The following NFAT5 variants were observed in gnomAD, a reference collection of about 807,000 sequenced individuals.
The protein encoded by NFAT5 is nuclear factor of activated T-cells 5.
A neutral mutation model predicts 166.5 loss-of-function variants in NFAT5; 31 were observed. The observed-to-expected ratio is 0.19, with a 90% CI of 0.14 to 0.25. NFAT5 has a LOEUF of 0.25. Among genes scored for constraint, NFAT5 ranks in the 10% least tolerant of loss-of-function variants. NFAT5 has a pLI of 1.00. For missense variants in NFAT5, 1,449 were observed against 1,821.8 expected (o/e 0.80, Z 3.72); for synonymous variants, 612 against 639.7 (o/e 0.96, Z 0.65).
At chr16:69,626,550 A>G in intron 3 of NFAT5, 22 bp downstream of exon 3, 1 of 1,506,908 alleles carries the variant, frequency 6.6e-7, no homozygotes, top group Admixed American at 2.3e-5. Flanking sequence ...ATTTTACTTT[A>G]TTAAAGAAAA....
chr16:69,659,260 G>C (rs1381392576), intron 6 of NFAT5, among the ~76,000 whole-genome samples: 1 of 151,806 alleles, frequency 6.6e-6, no homozygotes, highest in East Asian at 1.9e-4. Context: ...TGGCCAACAT[G>C]GTGTAACCCC....
At chr16:69,588,166 G>T (rs1463290640) in intron 2 of NFAT5, among the ~76,000 whole-genome samples, 1 of 151,876 alleles carries the variant, frequency 6.6e-6, no homozygotes, top group African/African-American at 2.4e-5. Flanking sequence ...TGGCCAGGCT[G>T]GTCTCCAGTT....
chr16:69,586,635 TCAGG>T (rs2032083959), intron 2 of NFAT5, among the ~76,000 whole-genome samples: 1 of 152,048 alleles, frequency 6.6e-6, no homozygotes, highest in African/African-American at 2.4e-5. Context: ...ACTCCTGACC[TCAGG>T]TGATCTGCCC....
chr16:69,646,738 G>T (rs1326033942), intron 3 of NFAT5, among the ~76,000 whole-genome samples: 1 of 152,132 alleles, frequency 6.6e-6, no homozygotes, highest in African/African-American at 2.4e-5. Flanking sequence ...AGAATGTCCA[G>T]CTGAGGCAAT....
intron 2 of NFAT5, among the ~76,000 whole-genome samples, chr16:69,599,853 A>G (rs2033028828): frequency 6.6e-6 from 1 of 152,124 alleles, no homozygotes; most frequent in Non-Finnish European, 1.5e-5. Flanking sequence ...AAAGCAGGAG[A>G]ATTGTAGGAG....
intron 7 of NFAT5, among the ~76,000 whole-genome samples, chr16:69,660,685 C>T (rs1265452828): frequency 2.6e-5 from 4 of 151,818 alleles, no homozygotes; most frequent in Admixed American, 2.0e-4. Flanking sequence ...ATGATGTGTG[C>T]GTGTTTGTGT....
At chr16:69,598,266 T>C (rs566515094) in intron 2 of NFAT5, among the ~76,000 whole-genome samples, 2 of 151,486 alleles carry the variant, frequency 1.3e-5, no homozygotes, top group South Asian at 4.2e-4. Context: ...CAGTCACAGC[T>C]ACTCAGGAGC....
At position 69,693,163 on chromosome 16, in the gene NFAT5, G is replaced by C. The variant is rs2037621572; in HGVS notation, c.3338G>C (p.Ser1113Thr). ...GAAACTCAAGGTTCTCTCTTTCATA[G>C]TCCAAATCCTATTGTCCACAGTCAG... ...SQETQGSLFHSPNPIVHSQTS... is the reference protein window; with the variant it reads ...SQETQGSLFHTPNPIVHSQTS... Residue 1113 changes from serine to threonine, a missense_variant, in exon 13 of 15, where the codon AGT (serine) becomes ACT (threonine). Physicochemically the swap from Ser to Thr is moderately conservative, Grantham distance 58. Around this residue, in one of 7 missense-constraint regions of NFAT5, gnomAD observed 891 missense variants for 993.0 expected, o/e 0.90. Transcript: ENST00000349945. 1 of 1,613,954 alleles carries C rather than the reference G, an allele frequency of 6.2e-7. No individual in the cohort carries two copies. Among genetic ancestry groups the C allele is most frequent in the Non-Finnish European group, 8.5e-7 (1 of 1,180,020 alleles).
In NFAT5 at chr16:69,692,586, A is replaced by C; in HGVS notation, c.2761A>C (p.Ser921Arg). The stretch of plus-strand genomic sequence containing the variant: ...CGCAATGGTGATGGAGATGCAACAG[A>C]GTATCTGCCAGGCAGCTGCCCAGAT... Reference protein sequence around the residue: ...SAAMVMEMQQSICQAAAQIQS... With the variant: ...SAAMVMEMQQRICQAAAQIQS... The change falls in exon 13 of 15, where the codon AGT becomes CGT. Residue 921 changes from serine (S) to arginine (R), a missense_variant. Transcript: ENST00000349945. The C allele has an allele frequency of 6.2e-7, 1 of 1,614,234 alleles. No homozygotes were observed. Among genetic ancestry groups the C allele is most frequent in the Non-Finnish European group, 8.5e-7 (1 of 1,180,044 alleles).
Position 69,566,101 on chromosome 16 carries a change from C to T in NFAT5, c.-201C>T, listed in dbSNP as rs2016014029. On this transcript the variant is annotated 5_prime_UTR_variant, in exon 1 of 15. Coordinates refer to ENST00000349945, the MANE Select transcript of NFAT5 (RefSeq NM_138713.4). The surrounding 1 kb of genome is among the most constrained non-coding windows in gnomAD (Gnocchi z 5.7). Reference sequence around the variant, plus strand: ...TCTCCTGGTCACCGAGAATCAGTCCCCGTGGAGTTCCCCCTCCACCTCGCC... The same window carrying T: ...TCTCCTGGTCACCGAGAATCAGTCCTCGTGGAGTTCCCCCTCCACCTCGCC... The T allele has an allele frequency of 5.2e-6, 3 of 572,036 alleles. No homozygotes were observed. 35.4% of individuals were successfully genotyped at this position (572,036 alleles called of 1,614,324 possible). A position where few individuals can be genotyped will look rare whatever the true frequency, so the allele number is the denominator to read the frequency against.
At chr16:69,676,269 TATA>T (rs1239591713) in intron 9 of NFAT5, among the ~76,000 whole-genome samples, 2 of 152,158 alleles carry the variant, frequency 1.3e-5, no homozygotes, top group Admixed American at 6.5e-5. Flanking sequence ...TCTAAGAAGA[TATA>T]GTACCCTTGA....
intron 9 of NFAT5, among the ~76,000 whole-genome samples, chr16:69,671,134 A>G (rs1268960819): frequency 6.6e-6 from 1 of 152,220 alleles, no homozygotes; most frequent in African/African-American, 2.4e-5. Context: ...ATAAAATTTA[A>G]AACATATATC....
intron 3 of NFAT5, among the ~76,000 whole-genome samples, chr16:69,643,653 A>C (rs1220952062): frequency 6.6e-6 from 1 of 152,190 alleles, no homozygotes; most frequent in African/African-American, 2.4e-5. Context: ...ATTTGAATAT[A>C]AAAGAATAAA....
At position 69,662,407 on chromosome 16, in the gene NFAT5, A is replaced by C. The variant is rs189271224; in HGVS notation, c.1369+2508A>C. ...TTGGAATAAAAAGATATACATTATG[A>C]AGTGGTAAGATTTGAGGTTACAGAG... On this transcript the variant is annotated intron_variant, in intron 7 of 14. Coordinates refer to ENST00000349945, the MANE Select transcript of NFAT5 (RefSeq NM_138713.4). 1.7e-4 allele frequency among the ~76,000 whole-genome samples: 26 copies of C among 151,500 alleles called. No individual in the cohort carries two copies. In the East Asian group the frequency reaches 4.5e-3, roughly 26 times the overall value.
At chr16:69,613,605 C>T (rs899814925) in intron 2 of NFAT5, among the ~76,000 whole-genome samples, 1 of 152,086 alleles carries the variant, frequency 6.6e-6, no homozygotes, top group Non-Finnish European at 1.5e-5. Flanking sequence ...CTTCCTTTTC[C>T]CCAGTCTGTC....
chr16:69,676,038 T>C (rs2036819102), intron 9 of NFAT5, among the ~76,000 whole-genome samples: 1 of 152,220 alleles, frequency 6.6e-6, no homozygotes, highest in African/African-American at 2.4e-5. Flanking sequence ...GACCTTGATC[T>C]CATTTGTCCC....
chr16:69,661,012 G>T (rs2036103253), intron 7 of NFAT5, among the ~76,000 whole-genome samples: 1 of 149,920 alleles, frequency 6.7e-6, no homozygotes, highest in African/African-American at 2.5e-5. Flanking sequence ...GTTTCACCCT[G>T]TTGGCCAGGC....
chr16:69,583,639 C>G (rs2031844205), intron 2 of NFAT5, among the ~76,000 whole-genome samples: 1 of 152,122 alleles, frequency 6.6e-6, no homozygotes, highest in Non-Finnish European at 1.5e-5. Flanking sequence ...TAAAGAACAT[C>G]TAGTGAAGTC....
At chr16:69,607,148 G>A (rs114852643) in intron 2 of NFAT5, among the ~76,000 whole-genome samples, 1 of 152,162 alleles carries the variant, frequency 6.6e-6, no homozygotes, top group African/African-American at 2.4e-5. Flanking sequence ...TTATAAATGA[G>A]ACAGCCAAGG....
Sources: allele counts gnomAD v4.1 joint callset (sites outside exome capture counted in the v4.1 genomes callset), GRCh38; gene constraint gnomAD v4.1.1; regional missense constraint gnomAD v4.1.1; non-coding constraint Gnocchi (gnomAD v3.1); transcripts MANE v1.5; gene names NCBI Gene and HGNC (gene_info 2026-07-23, HGNC 2026-07-21).